Variants in DCC observed in about 807,000 individuals in gnomAD.
The protein encoded by DCC is netrin receptor DCC.
Under a neutral mutation model 172.5 loss-of-function variants are expected in DCC, and 58 were observed. That is an observed-to-expected ratio of 0.34 (90% CI 0.27 to 0.42). The LOEUF (loss-of-function observed/expected upper bound fraction) is 0.42, where lower values mean the gene tolerates loss of function less well. Ranked by LOEUF, DCC falls within the 10% of genes least tolerant of loss-of-function variation. The pLI is 1.00. For missense variants in DCC, 1,740 were observed against 1,791.0 expected (o/e 0.97, Z 0.51); for synonymous variants, 709 against 644.5 (o/e 1.10, Z -1.52).
chr18:52,908,646 A>G (rs2039925204), intron 3 of DCC, among the ~76,000 whole-genome samples: 1 of 152,080 alleles, frequency 6.6e-6, no homozygotes, highest in African/African-American at 2.4e-5. Flanking sequence ...TCAAATCCCC[A>G]TTTACCTTTG....
intron 5 of DCC, among the ~76,000 whole-genome samples, chr18:52,965,701 T>C (rs11082959): frequency 0.22 from 33,138 of 152,116 alleles, 3,901 homozygotes; most frequent in South Asian, 0.41. Context: ...GGAAATAAAC[T>C]ATCCCACACA....
intron 5 of DCC, among the ~76,000 whole-genome samples, chr18:52,970,596 C>T (rs543558785): frequency 5.3e-5 from 8 of 152,222 alleles, no homozygotes; most frequent in African/African-American, 1.9e-4. Context: ...AAAGACTACT[C>T]AAAGCATTGT....
intron 1 of DCC, among the ~76,000 whole-genome samples, chr18:52,603,685 T>A: frequency 1.3e-5 from 2 of 149,224 alleles, no homozygotes; most frequent in African/African-American, 2.5e-5. Context: ...AAATCTACAG[T>A]TAAATAAAGA....
chr18:52,406,602 C>G (rs975941230), intron 1 of DCC, among the ~76,000 whole-genome samples: 3 of 152,044 alleles, frequency 2.0e-5, no homozygotes, highest in African/African-American at 7.2e-5. Flanking sequence ...AATCTCTGTG[C>G]CCTTCTGATT....
chr18:52,370,889 TA>T (rs1985093046), intron 1 of DCC, among the ~76,000 whole-genome samples: 1 of 152,236 alleles, frequency 6.6e-6, no homozygotes, highest in African/African-American at 2.4e-5. Flanking sequence ...GAAATCATTG[TA>T]TTTTTTTGAA....
chr18:53,112,915 T>A (rs1568312238), intron 7 of DCC, among the ~76,000 whole-genome samples: 1 of 151,544 alleles, frequency 6.6e-6, no homozygotes, highest in Non-Finnish European at 1.5e-5. Context: ...TTTGCTTAAT[T>A]TTAAAATTGG....
chr18:53,407,153 C>A (rs1546300), intron 19 of DCC, among the ~76,000 whole-genome samples: 64,470 of 151,902 alleles, frequency 0.42, 15,460 homozygotes, highest in Non-Finnish European at 0.55. Context: ...AATGAGGAGA[C>A]TCGGGAATCA....
intron 5 of DCC, among the ~76,000 whole-genome samples, chr18:52,962,584 A>C (rs1211332635): frequency 6.6e-6 from 1 of 151,948 alleles, no homozygotes; most frequent in Non-Finnish European, 1.5e-5. Flanking sequence ...ATACCATTTG[A>C]CCCAGCCATC....
chr18:52,852,253 ACT>A (rs1418413755), intron 2 of DCC, among the ~76,000 whole-genome samples: 2 of 152,044 alleles, frequency 1.3e-5, no homozygotes, highest in South Asian at 4.1e-4. Flanking sequence ...GCATCAATAT[ACT>A]CTCTAGCTAT....
chr18:52,344,040 A>T (rs541062380), intron 1 of DCC, among the ~76,000 whole-genome samples: 1 of 152,244 alleles, frequency 6.6e-6, no homozygotes, highest in African/African-American at 2.4e-5. Flanking sequence ...ATGTGAATAT[A>T]TTAGGCTTAG....
intron 1 of DCC, among the ~76,000 whole-genome samples, chr18:52,523,128 A>T (rs929830791): frequency 6.6e-6 from 1 of 152,168 alleles, no homozygotes; most frequent in African/African-American, 2.4e-5. Flanking sequence ...CAGATCTGCC[A>T]TTGTTTTTTA....
chr18:53,200,689 G>A (rs375075003), intron 9 of DCC, among the ~76,000 whole-genome samples: 14 of 152,216 alleles, frequency 9.2e-5, no homozygotes, highest in African/African-American at 1.2e-4. Flanking sequence ...GATGCCTGAC[G>A]GAAGTGTGTG....
At chr18:52,620,019 C>A (rs2034451004) in intron 1 of DCC, among the ~76,000 whole-genome samples, 1 of 152,158 alleles carries the variant, frequency 6.6e-6, no homozygotes, top group Admixed American at 6.5e-5. Flanking sequence ...CTTGAAGAAG[C>A]CATTGGAAAG....
At chr18:53,285,807 T>C (rs1222636337) in intron 12 of DCC, among the ~76,000 whole-genome samples, 2 of 152,224 alleles carry the variant, frequency 1.3e-5, no homozygotes, top group Non-Finnish European at 2.9e-5. Flanking sequence ...GGGGTAGAGC[T>C]GCCAAATACC....
At chr18:52,440,693 T>C (rs898763245) in intron 1 of DCC, among the ~76,000 whole-genome samples, 1 of 152,228 alleles carries the variant, frequency 6.6e-6, no homozygotes, top group Non-Finnish European at 1.5e-5. Context: ...TAGAAGAACA[T>C]TAACTTTTTC....
At chr18:53,157,652 A>T in intron 8 of DCC, 140 bp downstream of exon 8, 1 of 830,376 alleles carries the variant, frequency 1.2e-6, no homozygotes, top group Non-Finnish European at 2.0e-6. Context: ...CTCATTCCCC[A>T]GTGGAGATGT....
chr18:53,415,175 A>G (rs1045144846), intron 20 of DCC, among the ~76,000 whole-genome samples: 1 of 152,212 alleles, frequency 6.6e-6, no homozygotes, highest in Non-Finnish European at 1.5e-5. Flanking sequence ...TTGCTATAAT[A>G]GCGCCACATC....
Position 52,610,168 on chromosome 18 carries a change from AAAAAAAAAAAATATAT to A in DCC, c.92-141884_92-141869del, listed in dbSNP as rs2034231262. 7.4e-4 allele frequency among the ~76,000 whole-genome samples: 17 copies of A among 23,050 alleles called. 2 individuals carry two copies. The highest frequency in any genetic ancestry group is 2.8e-3 in the African/African-American group (15 of 5,364). 15.1% of individuals were successfully genotyped at this position (23,050 alleles called of 152,430 possible). A position where few individuals can be genotyped will look rare whatever the true frequency, so the allele number is the denominator to read the frequency against. ...ATCTCTCATAAAAAAAAAAAAAAAA[AAAAAAAAAAAATATAT>A]ATATATATATATATATATATATATA... is the stretch of plus-strand genomic sequence containing the variant. On this transcript the variant is annotated intron_variant, in intron 1 of 28. Coordinates refer to ENST00000442544, the MANE Select transcript of DCC (RefSeq NM_005215.4).
rs561171691 is a variant in DCC, at chr18:53,139,084, C to T, written c.1262-18272C>T. On this transcript the variant is annotated intron_variant, in intron 7 of 28. Coordinates refer to ENST00000442544, the MANE Select transcript of DCC (RefSeq NM_005215.4). The stretch of plus-strand genomic sequence containing the variant: ...GCACTATCCAATGTCTCTCATAATG[C>T]AAAATTACAGTAATATCCACTTAAT... Among the ~76,000 whole-genome samples the T allele has an allele frequency of 3.3e-5, 5 of 152,266 alleles. No individual in the cohort carries two copies. In the East Asian group the frequency reaches 7.7e-4, roughly 23 times the overall value.
Sources: gnomAD v4.1 joint callset for allele counts (sites outside exome capture counted in the v4.1 genomes callset) on GRCh38, gnomAD v4.1.1 for gene constraint, MANE v1.5 for transcripts, NCBI Gene and HGNC (gene_info 2026-07-23, HGNC 2026-07-21) for gene names.